CTNS: variants seen among roughly 807,000 people sequenced by gnomAD.
CTNS encodes the protein cystinosin.
In CTNS, 27 loss-of-function variants were observed where a neutral mutation model predicts 43.7. The ratio of observed to expected loss-of-function variants is 0.62; its 90% CI spans 0.46 to 0.85. CTNS has a LOEUF of 0.85. Ranked by LOEUF, CTNS falls within the 40% of genes least tolerant of loss-of-function variation. CTNS has a pLI of 0.00. For missense variants in CTNS, 457 were observed against 475.4 expected (o/e 0.96, Z 0.36); for synonymous variants, 187 against 190.6 (o/e 0.98, Z 0.16).
intron 3 of CTNS, among the ~76,000 whole-genome samples, chr17:3,645,917 C>T (rs1346373399): frequency 6.7e-6 from 1 of 149,512 alleles, no homozygotes; most frequent in East Asian, 2.0e-4. Flanking sequence ...TTTCAGATCT[C>T]AATTCATCTG....
intron 5 of CTNS, among the ~76,000 whole-genome samples, chr17:3,652,997 C>T (rs1160157556): frequency 6.6e-6 from 1 of 152,042 alleles, no homozygotes; most frequent in African/African-American, 2.4e-5. Flanking sequence ...TGTGGTAGAG[C>T]GCCTGTAGTC....
chr17:3,657,933 C>T (rs969999650), intron 9 of CTNS, 72 bp from the exon 10 acceptor site: 54 of 1,576,222 alleles, frequency 3.4e-5, no homozygotes, highest in African/African-American at 8.1e-5. Flanking sequence ...CCGCCCTATC[C>T]GGGGCCGTCC....
In CTNS at chr17:3,660,791, C is replaced by T. The variant is rs985392479; in HGVS notation, c.*422C>T. Reference sequence around the variant, plus strand: ...CTGCCACCGCTGCATTCCCAGAGATCAAGCAGCCCGGTGCCGTGGCCAGTG... The same window carrying T: ...CTGCCACCGCTGCATTCCCAGAGATTAAGCAGCCCGGTGCCGTGGCCAGTG... On this transcript the variant is annotated 3_prime_UTR_variant, in exon 12 of 12. Transcript: ENST00000046640. 3.7e-6 allele frequency: 6 copies of T among 1,610,558 alleles called. 1 individual carries two copies. In the African/African-American group the frequency reaches 5.3e-5, roughly 14 times the overall value.
chr17:3,650,164 C>T (rs996996918), intron 5 of CTNS: 2 of 1,549,682 alleles, frequency 1.3e-6, no homozygotes, highest in Non-Finnish European at 1.7e-6. Context: ...TCAATGATAC[C>T]TTAATAAAGC....
chr17:3,657,638 A>C, intron 9 of CTNS: 1 of 343,162 alleles, frequency 2.9e-6, no homozygotes, highest in South Asian at 3.1e-5. Flanking sequence ...TGGCTGGGAG[A>C]GGCACCAGGC....
chr17:3,643,528 A>G (rs1000403630), intron 3 of CTNS, among the ~76,000 whole-genome samples: 2 of 152,102 alleles, frequency 1.3e-5, no homozygotes, highest in African/African-American at 4.8e-5. Flanking sequence ...CAGGAATTTG[A>G]CACCAGCGTG....
At chr17:3,660,051 G>A in intron 11 of CTNS, 76 bp downstream of exon 11, 6 of 1,470,126 alleles carry the variant, frequency 4.1e-6, no homozygotes, top group Non-Finnish European at 5.7e-6. Flanking sequence ...GGACCTTCCA[G>A]CCAGGGCTCC....
intron 10 of CTNS, 47 bp downstream of exon 10, chr17:3,658,222 A>T: frequency 1.2e-6 from 2 of 1,608,032 alleles, no homozygotes; most frequent in Non-Finnish European, 1.7e-6. Context: ...GAGAGGTGAG[A>T]GCTACATGGC....
intron 5 of CTNS, among the ~76,000 whole-genome samples, chr17:3,653,827 G>T (rs960438651): frequency 1.3e-5 from 2 of 151,878 alleles, no homozygotes; most frequent in African/African-American, 4.8e-5. Context: ...AGTGAGCTGA[G>T]ATCGCGCCAT....
Position 3,662,564 on chromosome 17 carries a change from G to A in CTNS, c.*2195G>A, listed in dbSNP as rs886052883. On this transcript the variant is annotated 3_prime_UTR_variant, in exon 12 of 12. Coordinates refer to ENST00000046640, the MANE Select transcript of CTNS (RefSeq NM_004937.3). The stretch of plus-strand genomic sequence containing the variant: ...CCCAGGCACCTCTGGGTGTCCCTAC[G>A]GCCCCTCCCAGGTGGGAGCTGAGGC... Among the ~76,000 whole-genome samples the A allele has an allele frequency of 2.0e-5, 3 of 152,136 alleles. No homozygotes were observed. The highest frequency in any genetic ancestry group is 6.6e-5 in the Admixed American group (1 of 15,262).
At position 3,655,020 on chromosome 17, in the gene CTNS, C is replaced by T. The variant is rs1295370570; in HGVS notation, c.248C>T (p.Thr83Ile). ...CAGGTTGTGGTGCCTCCTGGAGTGA[C>T]AAACTCCTCTTTTCAAGTGACATCT... The part of the protein sequence containing the change: ...PDEVVVPPGV[T>I]NSSFQVTSQN... The change falls in exon 6 of 12, where the codon ACA (threonine) becomes ATA (isoleucine). Residue 83 changes from threonine to isoleucine, a missense_variant. Transcript: ENST00000046640. 1 of 1,613,854 alleles carries T rather than the reference C, an allele frequency of 6.2e-7. No individual in the cohort carries two copies. The highest frequency in any genetic ancestry group is 1.7e-5 in the Admixed American group (1 of 60,012).
At chr17:3,659,101 C>T (rs1465301238) in intron 10 of CTNS, among the ~76,000 whole-genome samples, 1 of 152,064 alleles carries the variant, frequency 6.6e-6, no homozygotes, top group East Asian at 1.9e-4. Context: ...GGAGGGGCAG[C>T]AGCAAGTACG....
rs886308255 is a variant in CTNS, at chr17:3,660,648, C to T, written c.*279C>T. 7 of 1,613,582 alleles carry T rather than the reference C, an allele frequency of 4.3e-6. No homozygotes were observed. Among genetic ancestry groups the T allele is most frequent in the South Asian group, 3.3e-5 (3 of 91,090 alleles). On this transcript the variant is annotated 3_prime_UTR_variant, in exon 12 of 12. Coordinates refer to ENST00000046640, the MANE Select transcript of CTNS (RefSeq NM_004937.3). Reference sequence around the variant, plus strand: ...GGCAGCGCGCACAGGCTCTGGCAGCCGTCTCAGGCAGGACTGGGCACCAAG... The same window carrying T: ...GGCAGCGCGCACAGGCTCTGGCAGCTGTCTCAGGCAGGACTGGGCACCAAG...
intron 3 of CTNS, among the ~76,000 whole-genome samples, chr17:3,644,160 C>A (rs2150898746): frequency 6.6e-6 from 1 of 152,350 alleles, no homozygotes; most frequent in Middle Eastern, 3.4e-3. Context: ...AATTATTTAG[C>A]ATCTGGGCTT....
intron 3 of CTNS, among the ~76,000 whole-genome samples, chr17:3,643,996 C>T (rs1003899265): frequency 1.3e-5 from 2 of 152,164 alleles, no homozygotes; most frequent in African/African-American, 4.8e-5. Context: ...GCCATGATCA[C>T]TCTCTTTAGG....
chr17:3,642,064 C>CGTGTGTGTGT (rs139025469), intron 3 of CTNS, among the ~76,000 whole-genome samples: 7,770 of 139,788 alleles, frequency 0.056, 262 homozygotes, highest in Middle Eastern at 0.11. Context: ...TGTACCCGGG[C>CGTGTGTGTGT]GTGTGTGTGT....
intron 5 of CTNS, among the ~76,000 whole-genome samples, 200 bp downstream of exon 5, chr17:3,649,131 C>G (rs1366609858): frequency 6.6e-6 from 1 of 152,044 alleles, no homozygotes; most frequent in Non-Finnish European, 1.5e-5. Flanking sequence ...AGTGAGGAAC[C>G]TGAGGCAAAA....
chr17:3,642,513 C>G (rs2075745639), intron 3 of CTNS, among the ~76,000 whole-genome samples: 1 of 151,980 alleles, frequency 6.6e-6, no homozygotes, highest in South Asian at 2.1e-4. Context: ...CATGGTGAAA[C>G]CCCGTCTCTA....
In CTNS at chr17:3,662,311, CAAA is replaced by C. The variant is rs397856854; in HGVS notation, c.*1955_*1957del. On this transcript the variant is annotated 3_prime_UTR_variant, in exon 12 of 12. Coordinates refer to ENST00000046640, the MANE Select transcript of CTNS (RefSeq NM_004937.3). Reference sequence around the variant, plus strand: ...GGGCAACAAGAACGAAACTCCATCTCAAAAAAAAAAAAAAATTATTGACTTTTC... The same window carrying C: ...GGGCAACAAGAACGAAACTCCATCTCAAAAAAAAAAAATTATTGACTTTTC... Among the ~76,000 whole-genome samples, 1 of 146,860 alleles carries C rather than the reference CAAA, an allele frequency of 6.8e-6. No homozygotes were observed. Among genetic ancestry groups the C allele is most frequent in the African/African-American group, 2.5e-5 (1 of 40,268 alleles).
Sources: gnomAD v4.1 joint callset for allele counts (sites outside exome capture counted in the v4.1 genomes callset) on GRCh38, gnomAD v4.1.1 for gene constraint, MANE v1.5 for transcripts, NCBI Gene and HGNC (gene_info 2026-07-23, HGNC 2026-07-21) for gene names.